Variants in CACNA1I observed in about 807,000 individuals in gnomAD.
The protein encoded by CACNA1I is calcium voltage-gated channel subunit alpha1 I, also known as voltage-dependent T-type calcium channel subunit alpha-1I.
Under a neutral mutation model 201.6 loss-of-function variants are expected in CACNA1I, and 74 were observed. That is an observed-to-expected ratio of 0.37 (90% confidence interval 0.30 to 0.45). CACNA1I has a LOEUF of 0.45. Among genes scored for constraint, CACNA1I ranks in the 20% least tolerant of loss-of-function variants. CACNA1I has a pLI of 1.00. For synonymous variants in CACNA1I, 1,431 were observed against 1,345.2 expected (o/e 1.06, Z -1.40); for missense variants, 2,346 against 3,138.1 (o/e 0.75, Z 6.03).
chr22:39,604,064 G>A (rs527465982), intron 3 of CACNA1I, among the ~76,000 whole-genome samples: 2 of 152,200 alleles, frequency 1.3e-5, no homozygotes, highest in South Asian at 4.2e-4. Context: ...ATGACATTGC[G>A]AGAAATAGTG....
chr22:39,634,432 G>A (rs1934151504), intron 4 of CACNA1I, 133 bp from the exon 5 acceptor site: 4 of 847,852 alleles, frequency 4.7e-6, no homozygotes, highest in South Asian at 4.4e-5. Context: ...CCACTGAACA[G>A]GATGGGAACA....
intron 11 of CACNA1I, among the ~76,000 whole-genome samples, 200 bp from the exon 12 acceptor site, chr22:39,658,731 G>A (rs1689006942): frequency 6.6e-6 from 1 of 152,242 alleles, no homozygotes; most frequent in South Asian, 2.1e-4. Flanking sequence ...TTCTTGTGGG[G>A]GTGGTGGTGG....
chr22:39,685,546 G>T lies in CACNA1I; in HGVS notation c.6028-215G>T, dbSNP rs115483375. Among the ~76,000 whole-genome samples the T allele has an allele frequency of 4.7e-3, 712 of 152,194 alleles. 1 individual carries two copies. The highest frequency in any genetic ancestry group is 0.016 in the African/African-American group (684 of 41,526). The stretch of plus-strand genomic sequence containing the variant: ...GGGCCGGGTCTGACCTGGGTTTGAG[G>T]CGGATGCTAGCTCCTCTCGGGGGAC... On this transcript the variant is annotated intron_variant, in intron 36 of 36. Transcript: ENST00000402142. The surrounding 1 kb of genome is among the most constrained non-coding windows in gnomAD (Gnocchi z 5.0).
Position 39,647,909 on chromosome 22 carries a change from ATG to A in CACNA1I, c.1551_1552del (p.Asn517LysfsTer12). On this transcript the variant is annotated frameshift_variant, in exon 9 of 37. Coordinates refer to ENST00000402142, the MANE Select transcript of CACNA1I (RefSeq NM_021096.4). LOFTEE classifies it high-confidence loss of function. ...TTGCATGGGCCTGCCTCCCCTGGAA[ATG>A]ATCACTCGGGAAGAGGCAAGCCAGG... The A allele has an allele frequency of 6.2e-7, 1 of 1,613,556 alleles. No individual in the cohort carries two copies. The highest frequency in any genetic ancestry group is 8.5e-7 in the Non-Finnish European group (1 of 1,179,832).
chr22:39,588,521 G>T (rs1932785601), intron 1 of CACNA1I, among the ~76,000 whole-genome samples: 1 of 151,798 alleles, frequency 6.6e-6, no homozygotes, highest in African/African-American at 2.4e-5. Flanking sequence ...GAGTAGCTGG[G>T]ACTACAGGCG....
chr22:39,682,054 C>T (rs897226559), intron 34 of CACNA1I, among the ~76,000 whole-genome samples: 1 of 152,122 alleles, frequency 6.6e-6, no homozygotes, highest in African/African-American at 2.4e-5. Context: ...GGCGGCTCTT[C>T]TGGGAAGGGG....
At chr22:39,647,981 C>G (rs761674157) in intron 9 of CACNA1I, 55 bp downstream of exon 9, 21 of 1,472,564 alleles carry the variant, frequency 1.4e-5, no homozygotes, top group Non-Finnish European at 1.8e-5. Flanking sequence ...ACCACTTCTC[C>G]CAGTTGGTGC....
At position 39,665,009 on chromosome 22, in the gene CACNA1I, TCCCCGCCCG is replaced by T. The variant is rs2146455629; in HGVS notation, c.3851+90_3851+98del. ...GTCGAATTGGGCCCTCACTCCGCCC[TCCCCGCCCG>T]CCCACTCGGTCCTCCAATAGTGAGT... is the stretch of plus-strand genomic sequence containing the variant. On this transcript the variant is annotated intron_variant, in intron 21 of 36. Transcript: ENST00000402142. This position sits in a 1 kb window ranked among gnomAD's most constrained non-coding sequence, Gnocchi z 5.5. 1 of 1,214,680 alleles carries T rather than the reference TCCCCGCCCG, an allele frequency of 8.2e-7. No individual in the cohort carries two copies. Among genetic ancestry groups the T allele is most frequent in the South Asian group, 1.4e-5 (1 of 72,258 alleles). The allele number at this position is 1,214,680 out of a possible 1,614,324, so 75.2% of individuals were successfully genotyped here. A position where few individuals can be genotyped will look rare whatever the true frequency, so the allele number is the denominator to read the frequency against.
In CACNA1I at chr22:39,661,140, A is replaced by G. The variant is rs1934993898; in HGVS notation, c.2731A>G (p.Asn911Asp). The G allele has an allele frequency of 6.2e-7, 1 of 1,612,920 alleles. No individual in the cohort carries two copies. Among genetic ancestry groups the G allele is most frequent in the African/African-American group, 1.3e-5 (1 of 74,780 alleles). ...GCTCTGCCCAATCCCCATGACCCCC[A>G]ATGGGCACCTGGACCCCAGTCTCCC... ...PKLCPIPMTPNGHLDPSLPLG... is the reference protein window; with the variant it reads ...PKLCPIPMTPDGHLDPSLPLG... Residue 911 changes from asparagine to aspartate, a missense_variant, in exon 16 of 37, where the codon AAT (asparagine) becomes GAT (aspartate). Asn to Asp is a conservative substitution (Grantham distance 23). Around this residue, in one of 13 missense-constraint regions of CACNA1I, gnomAD observed 92 missense variants for 114.5 expected, o/e 0.80. Transcript: ENST00000402142.
intron 34 of CACNA1I, among the ~76,000 whole-genome samples, chr22:39,681,487 C>T (rs140137744): frequency 0.01 from 1,576 of 152,296 alleles, 25 homozygotes; most frequent in Non-Finnish European, 0.011. Flanking sequence ...GTCTGCCGCA[C>T]GGCTCTGTGC....
At position 39,677,427 on chromosome 22, in the gene CACNA1I, A is replaced by C; in HGVS notation, c.4933+8A>C. 6.5e-7 allele frequency: 1 copy of C among 1,545,224 alleles called. No homozygotes were observed. Among genetic ancestry groups the C allele is most frequent in the East Asian group, 2.4e-5 (1 of 42,256 alleles). ...AGCTCTTTGGGAAGCTGGGTGAGTGACTCCCAGAGCAGGCCCGTGGTGGGG... is the reference window on the plus strand; with the variant it reads ...AGCTCTTTGGGAAGCTGGGTGAGTGCCTCCCAGAGCAGGCCCGTGGTGGGG... On this transcript the variant is annotated splice_region_variant and intron_variant, in intron 30 of 36. Coordinates refer to ENST00000402142, the MANE Select transcript of CACNA1I (RefSeq NM_021096.4). The surrounding 1 kb of genome is among the most constrained non-coding windows in gnomAD (Gnocchi z 4.8).
chr22:39,686,559 G>T lies in CACNA1I; in HGVS notation c.*154G>T. The T allele has an allele frequency of 2.3e-6, 1 of 441,250 alleles. No individual in the cohort carries two copies. Among genetic ancestry groups the T allele is most frequent in the Non-Finnish European group, 3.5e-6 (1 of 285,320 alleles). The allele number at this position is 441,250 out of a possible 1,614,324, so 27.3% of individuals were successfully genotyped here. ...GACAGCCGGGCTGAGCGGAGTCTGG[G>T]TTAGCCAGGCCTGCGTGGCCCATGG... On this transcript the variant is annotated 3_prime_UTR_variant, in exon 37 of 37. Coordinates refer to ENST00000402142, the MANE Select transcript of CACNA1I (RefSeq NM_021096.4).
At chr22:39,621,831 C>A (rs1009510502) in intron 4 of CACNA1I, among the ~76,000 whole-genome samples, 1 of 151,956 alleles carries the variant, frequency 6.6e-6, no homozygotes, top group Non-Finnish European at 1.5e-5. Context: ...CTAGGGAGAC[C>A]CCCTTGGGCA....
chr22:39,662,915 G>T (rs1269865807), intron 18 of CACNA1I, 39 bp downstream of exon 18: 9 of 1,313,730 alleles, frequency 6.9e-6, no homozygotes, highest in East Asian at 2.5e-5. Context: ...TTAGAGTAGG[G>T]GTAACGTGGG....
At chr22:39,620,042 T>TCCATCCATCCATCCAC in intron 4 of CACNA1I, among the ~76,000 whole-genome samples, 1 of 140,082 alleles carries the variant, frequency 7.1e-6, no homozygotes, top group African/African-American at 2.7e-5. Context: ...CATCCATCCA[T>TCCATCCATCCATCCAC]CCATCCATCC....
Position 39,658,974 on chromosome 22 carries a change from C to A in CACNA1I, c.2188C>A (p.Leu730Met), listed in dbSNP as rs1468280380. ...GCAGGCGGACGGTGGGCTGTCGGTGCTGCGGACCTTCCGGCTGCTGCGCGT... is the reference window on the plus strand; with the variant it reads ...GCAGGCGGACGGTGGGCTGTCGGTGATGCGGACCTTCCGGCTGCTGCGCGT... ...VGQADGGLSVLRTFRLLRVLK... is the reference protein window; with the variant it reads ...VGQADGGLSVMRTFRLLRVLK... Residue 730 changes from leucine (L) to methionine (M), a missense_variant, in exon 12 of 37, where the codon CTG becomes ATG. This residue lies in a region of CACNA1I where 155 missense variants were observed against 300.8 expected (regional missense o/e 0.52). Coordinates refer to ENST00000402142, the MANE Select transcript of CACNA1I (RefSeq NM_021096.4). 3.1e-6 allele frequency: 5 copies of A among 1,606,682 alleles called. No homozygotes were observed. Among genetic ancestry groups the A allele is most frequent in the Admixed American group, 1.7e-5 (1 of 59,374 alleles).
chr22:39,608,427 C>A (rs923572812), intron 3 of CACNA1I, among the ~76,000 whole-genome samples: 1 of 151,904 alleles, frequency 6.6e-6, no homozygotes, highest in South Asian at 2.1e-4. Flanking sequence ...ATAGCGAGAG[C>A]CCATTTCTTT....
Position 39,661,097 on chromosome 22 carries a change from C to T in CACNA1I, c.2699-11C>T. 1 of 1,610,252 alleles carries T rather than the reference C, an allele frequency of 6.2e-7. No individual in the cohort carries two copies. ...TCTGTCCCTCCCTCTGTCTCCATCT[C>T]ACTCCTCCAGATCCCAAGCTCTGCC... On this transcript the variant is annotated splice_polypyrimidine_tract_variant and intron_variant, in intron 15 of 36. Coordinates refer to ENST00000402142, the MANE Select transcript of CACNA1I (RefSeq NM_021096.4).
Position 39,666,025 on chromosome 22 carries a change from G to A in CACNA1I, c.4104+19G>A, listed in dbSNP as rs368301714. The A allele has an allele frequency of 5.9e-5, 95 of 1,610,220 alleles. 3 individuals carry two copies. The Middle Eastern group carries it at 1.2e-3, about 20-fold the overall frequency. ...GGGCCAGGTGAGCACCACCGTCCTAGCCCTGATCAGACCCTCCCCTCTCTT... is the reference window on the plus strand; with the variant it reads ...GGGCCAGGTGAGCACCACCGTCCTAACCCTGATCAGACCCTCCCCTCTCTT... On this transcript the variant is annotated intron_variant, in intron 23 of 36. Coordinates refer to ENST00000402142, the MANE Select transcript of CACNA1I (RefSeq NM_021096.4). This position sits in a 1 kb window ranked among gnomAD's most constrained non-coding sequence, Gnocchi z 4.1.
Sources: gnomAD v4.1 joint callset for allele counts (sites outside exome capture counted in the v4.1 genomes callset) on GRCh38, gnomAD v4.1.1 for gene constraint, gnomAD v4.1.1 regional missense constraint, Gnocchi (gnomAD v3.1) non-coding constraint, MANE v1.5 for transcripts, NCBI Gene and HGNC (gene_info 2026-07-23, HGNC 2026-07-21) for gene names.